ALG3: variants seen among roughly 807,000 people sequenced by gnomAD.
ALG3 encodes ALG3 alpha-1,3- mannosyltransferase, also known as dol-P-Man:Man(5)GlcNAc(2)-PP-Dol alpha-1,3-mannosyltransferase.
ALG3 carries 39 observed loss-of-function variants against 50.5 expected under a neutral mutation model. The ratio of observed to expected loss-of-function variants is 0.77; its 90% CI spans 0.60 to 1.01. ALG3 has a LOEUF of 1.01. Among genes scored for constraint, ALG3 ranks in the 50% least tolerant of loss-of-function variants. ALG3 has a pLI of 0.00. For synonymous variants in ALG3, 252 were observed against 237.2 expected, an observed-to-expected ratio of 1.06 and a Z score of -0.58; for missense variants, 520 against 554.8, an observed-to-expected ratio of 0.94 and a Z score of 0.63.
upstream of ALG3, chr3:184,249,359 A>T: frequency 7.1e-7 from 1 of 1,405,252 alleles, no homozygotes; most frequent in Non-Finnish European, 9.7e-7. Flanking sequence ...CCGGATGCTG[A>T]GAAAAATGAA....
chr3:184,244,506 T>C, intron 5 of ALG3, 95 bp downstream of exon 5: 2 of 1,458,198 alleles, frequency 1.4e-6, no homozygotes, highest in South Asian at 2.6e-5. Context: ...CAAAACCCTG[T>C]CTCTTGGCTT....
At chr3:184,244,814 C>T (rs1452034421) in intron 4 of ALG3, 93 bp from the exon 5 acceptor site, 5 of 1,497,472 alleles carry the variant, frequency 3.3e-6, no homozygotes, top group South Asian at 2.5e-5. Context: ...ACCACAGCAA[C>T]CTCCCCCCCG....
At chr3:184,248,708 TCCCTCCCTCCCCTC>T in intron 1 of ALG3, 23 bp downstream of exon 1, 1 of 1,442,380 alleles carries the variant, frequency 6.9e-7, no homozygotes, top group Non-Finnish European at 9.4e-7. Flanking sequence ...GGTTCAGGTC[TCCCTCCCTCCCCTC>T]CCCTCCCCCT....
rs772527283 is a variant in ALG3, at chr3:184,245,250, T to C, written c.553A>G (p.Ser185Gly). The stretch of plus-strand genomic sequence containing the variant: ...CGCTGGGCCAGCAGGAGGTTGATAC[T>C]GAGGAAGAGCAGCACCATGGCCACT... Reference protein sequence around the residue: ...DPVAMVLLFLSINLLLAQRWG... With the variant: ...DPVAMVLLFLGINLLLAQRWG... Residue 185 changes from serine (S) to glycine (G), a missense_variant, in exon 4 of 9, where the codon AGT becomes GGT. Physicochemically the swap from Ser to Gly is moderately conservative, Grantham distance 56. Around this residue, in one of 3 missense-constraint regions of ALG3, gnomAD observed 290 missense variants for 265.9 expected, o/e 1.09. Coordinates refer to ENST00000397676, the MANE Select transcript of ALG3 (RefSeq NM_005787.6). 2.5e-6 allele frequency: 4 copies of C among 1,613,806 alleles called. No individual in the cohort carries two copies. The highest frequency in any genetic ancestry group is 3.3e-5 in the Admixed American group (2 of 59,994).
intron 7 of ALG3, 116 bp from the exon 8 acceptor site, chr3:184,243,073 G>A: frequency 2.1e-6 from 3 of 1,413,918 alleles, no homozygotes; most frequent in Non-Finnish European, 2.9e-6. Context: ...CTTGATGCAT[G>A]CCTTTGGGCA....
chr3:184,248,465 TACA>T (rs1560166644), intron 1 of ALG3, among the ~76,000 whole-genome samples: 4 of 145,670 alleles, frequency 2.7e-5, no homozygotes, highest in East Asian at 2.0e-4. Flanking sequence ...GCAGCAGCAG[TACA>T]ACAATTTTGG....
intron 1 of ALG3, among the ~76,000 whole-genome samples, chr3:184,247,879 T>C: frequency 6.6e-6 from 1 of 151,332 alleles, no homozygotes; most frequent in Non-Finnish European, 1.5e-5. Flanking sequence ...GGAGTCTTGC[T>C]CTGTCGCCCA....
chr3:184,249,143 C>T, upstream of ALG3: 2 of 1,542,422 alleles, frequency 1.3e-6, no homozygotes, highest in Non-Finnish European at 1.8e-6. Flanking sequence ...GGGACAATGT[C>T]TTACTCCTCA....
chr3:184,248,241 G>C (rs139280012), intron 1 of ALG3, among the ~76,000 whole-genome samples: 1 of 152,142 alleles, frequency 6.6e-6, no homozygotes, highest in African/African-American at 2.4e-5. Context: ...AATATTTGTT[G>C]AATTAAGAGT....
In ALG3 at chr3:184,242,535, T is replaced by C; in HGVS notation, c.1296A>G (p.Gln432=). 6.2e-7 allele frequency: 1 copy of C among 1,611,566 alleles called. No individual in the cohort carries two copies. The highest frequency in any genetic ancestry group is 8.5e-7 in the Non-Finnish European group (1 of 1,178,598). Residue 432 remains glutamine, a synonymous_variant, in exon 9 of 9, where the codon CAA becomes CAG. Transcript: ENST00000397676. ...GACTTCAGTGGGCTTTCTTGCTGTG[T>C]TGGGTGCTCTTGGGGAAAGGCTGCG... ...LGPQPFPKST[Q]HSKKAH
At position 184,242,937 on chromosome 3, in the gene ALG3, T is replaced by C; in HGVS notation, c.1030A>G (p.Thr344Ala). The C allele has an allele frequency of 6.2e-7, 1 of 1,613,248 alleles. No individual in the cohort carries two copies. The highest frequency in any genetic ancestry group is 8.5e-7 in the Non-Finnish European group (1 of 1,179,700). ...TPNQIVSTLF[T>A]SNFIGICFSR... ...AAGCAGATGCCAATGAAGTTGGAGGTGAAGAGGGTAGAAACGATCTGTATG... is the reference window on the plus strand; with the variant it reads ...AAGCAGATGCCAATGAAGTTGGAGGCGAAGAGGGTAGAAACGATCTGTATG... Residue 344 changes from threonine (T) to alanine (A), a missense_variant, in exon 8 of 9, where the codon ACC becomes GCC. Physicochemically the swap from Thr to Ala is moderately conservative, Grantham distance 58. Transcript: ENST00000397676.
In ALG3 at chr3:184,242,598, T is replaced by C. The variant is rs1560161620; in HGVS notation, c.1233A>G (p.Ile411Met). 1 of 1,601,014 alleles carries C rather than the reference T, an allele frequency of 6.2e-7. No individual in the cohort carries two copies. The highest frequency in any genetic ancestry group is 8.5e-7 in the Non-Finnish European group (1 of 1,171,506). Residue 411 changes from isoleucine to methionine, a missense_variant, in exon 9 of 9, where the codon ATA becomes ATG. Physicochemically the swap from Ile to Met is conservative, Grantham distance 10. This residue lies in a region of ALG3 where 224 missense variants were observed against 272.8 expected (regional missense o/e 0.82). Transcript: ENST00000397676. Reference sequence around the variant, plus strand: ...GCTGCAGCAGGATGACGGCATGGCATATGTGCAGGGCAGCAGAGCTGCAGG... The same window carrying C: ...GCTGCAGCAGGATGACGGCATGGCACATGTGCAGGGCAGCAGAGCTGCAGG... Reference protein sequence around the residue: ...STSCSSAALHICHAVILLQLW... With the variant: ...STSCSSAALHMCHAVILLQLW...
At chr3:184,247,331 T>C (rs1277386018) in intron 1 of ALG3, among the ~76,000 whole-genome samples, 2 of 149,312 alleles carry the variant, frequency 1.3e-5, no homozygotes, top group East Asian at 4.0e-4. Context: ...CGGAGCTTGC[T>C]CTGTCACCCA....
At chr3:184,243,475 G>A (rs1240267127) in intron 7 of ALG3, 79 bp downstream of exon 7, 1 of 1,395,484 alleles carries the variant, frequency 7.2e-7, no homozygotes, top group East Asian at 2.3e-5. Flanking sequence ...CAGGTCACCA[G>A]CTGTCAAGGG....
chr3:184,243,492 G>C, intron 7 of ALG3, 62 bp downstream of exon 7: 1 of 1,538,878 alleles, frequency 6.5e-7, no homozygotes, highest in Non-Finnish European at 9.0e-7. Flanking sequence ...AGGGATACCT[G>C]ACCAGGACTC....
intron 1 of ALG3, among the ~76,000 whole-genome samples, chr3:184,246,197 C>T (rs1006495131): frequency 1.5e-4 from 23 of 152,210 alleles, no homozygotes; most frequent in African/African-American, 5.3e-4. Flanking sequence ...TTCTCTGCTA[C>T]TACATACTCA....
Position 184,245,212 on chromosome 3 carries a change from A to G in ALG3, c.591T>C (p.Gly197=), listed in dbSNP as rs2233464. Residue 197 remains glycine, a synonymous_variant, in exon 4 of 9, where the codon GGT becomes GGC. Transcript: ENST00000397676. ...GAGGTGTTGACCTGAAAAAGCAGCA[A>G]CCCCAGCCCCAGCGCTGGGCCAGCA... ...NLLLAQRWGW[G]CCFFSLAVSV... is the part of the protein sequence containing the mutation. 7.2e-3 allele frequency: 11,633 copies of G among 1,613,624 alleles called. 701 individuals carry two copies. The African/African-American group carries it at 0.14, about 19-fold the overall frequency.
chr3:184,244,926 A>G (rs1372900556), intron 4 of ALG3: 4 of 746,180 alleles, frequency 5.4e-6, no homozygotes, highest in East Asian at 2.7e-5. Context: ...TATGCCTACT[A>G]GATGCGAATG....
At chr3:184,249,232 C>A (rs373046727), upstream of ALG3, 142 of 1,612,878 alleles carry the variant, frequency 8.8e-5, no homozygotes, top group African/African-American at 1.1e-3. Context: ...CTACCTCCCC[C>A]ACAACCGCTG....
Sources: allele counts gnomAD v4.1 joint callset (sites outside exome capture counted in the v4.1 genomes callset), GRCh38; gene constraint gnomAD v4.1.1; regional missense constraint gnomAD v4.1.1; transcripts MANE v1.5; gene names NCBI Gene and HGNC (gene_info 2026-07-23, HGNC 2026-07-21).